Variants in ARHGEF3 observed in about 807,000 individuals in gnomAD.
ARHGEF3 encodes 59.8 kDA protein.
Under a neutral mutation model 63.2 loss-of-function variants are expected in ARHGEF3, and 28 were observed. The observed-to-expected ratio is 0.44, with a 90% CI of 0.33 to 0.61. The LOEUF is 0.61. Among genes scored for constraint, ARHGEF3 ranks in the 20% least tolerant of loss-of-function variants. ARHGEF3 has a pLI of 0.03. For missense variants in ARHGEF3, 533 were observed against 659.3 expected, an observed-to-expected ratio of 0.81 and a Z score of 2.10; for synonymous variants, 266 against 254.2, an observed-to-expected ratio of 1.05 and a Z score of -0.44.
Position 56,793,914 on chromosome 3 carries a change from G to A in ARHGEF3, c.96+7789C>T, listed in dbSNP as rs1007065962. 9.2e-5 allele frequency among the ~76,000 whole-genome samples: 14 copies of A among 152,228 alleles called. No homozygotes were observed. In the East Asian group the frequency reaches 2.5e-3, roughly 27 times the overall value. ...CTAAAGAAGCATATTAAGCCTAAAAGAAATCCTGTTTGTTGACATAGTATC... is the reference window on the plus strand; with the variant it reads ...CTAAAGAAGCATATTAAGCCTAAAAAAAATCCTGTTTGTTGACATAGTATC... On this transcript the variant is annotated intron_variant, in intron 1 of 9. Coordinates refer to ENST00000296315, the MANE Select transcript of ARHGEF3 (RefSeq NM_019555.3).
At chr3:56,790,982 G>A (rs2037050429) in intron 1 of ARHGEF3, among the ~76,000 whole-genome samples, 1 of 151,678 alleles carries the variant, frequency 6.6e-6, no homozygotes, top group Non-Finnish European at 1.5e-5. Flanking sequence ...ATTCAATCAG[G>A]TTGCCAACTT....
intron 2 of ARHGEF3, among the ~76,000 whole-genome samples, chr3:56,963,352 A>G (rs950633765): frequency 3.3e-5 from 5 of 152,306 alleles, no homozygotes; most frequent in Middle Eastern, 3.4e-3. Context: ...TGGAGGGCCA[A>G]TGAAATTTAC....
At chr3:56,737,153 G>A (rs2033678706) in intron 8 of ARHGEF3, 32 bp downstream of exon 8, 1 of 1,586,554 alleles carries the variant, frequency 6.3e-7, no homozygotes, top group Non-Finnish European at 8.6e-7. Context: ...ACGGGAGGCG[G>A]ATAAGACTGC....
intron 9 of ARHGEF3, 139 bp downstream of exon 9, chr3:56,732,099 A>C: frequency 9.7e-7 from 1 of 1,029,618 alleles, no homozygotes; most frequent in Non-Finnish European, 1.4e-6. Context: ...CAAAGTACAT[A>C]ATCAGGAAGT....
chr3:56,956,737 G>A (rs964720929), intron 3 of ARHGEF3, among the ~76,000 whole-genome samples: 1 of 152,176 alleles, frequency 6.6e-6, no homozygotes, highest in Non-Finnish European at 1.5e-5. Flanking sequence ...ACCATTGTTG[G>A]AGCAGAAGGG....
Position 56,965,462 on chromosome 3 carries a change from C to T in ARHGEF3, c.63-6573G>A, listed in dbSNP as rs543178738. Among the ~76,000 whole-genome samples, 21 of 151,950 alleles carry T rather than the reference C, an allele frequency of 1.4e-4. No homozygotes were observed. The South Asian group carries it at 1.9e-3, about 14-fold the overall frequency. ...AGACAGTTTAACTAATGGATTCTAC[C>T]GAACTTTCCAAAGAAAAAACAAAAA... On this transcript the variant is annotated intron_variant, in intron 2 of 12. Transcript: ENST00000338458.
intron 2 of ARHGEF3, among the ~76,000 whole-genome samples, chr3:57,032,542 G>A (rs75722454): frequency 0.055 from 8,419 of 152,242 alleles, 813 homozygotes; most frequent in African/African-American, 0.19. Context: ...TACTCTTTGG[G>A]TTGGTTTTGA....
chr3:56,971,559 C>T lies in ARHGEF3; in HGVS notation c.63-12670G>A, dbSNP rs7620048. The stretch of plus-strand genomic sequence containing the variant: ...CCCTTTCCCAGGGCTTTTAAGAGCA[C>T]TTTGGGTTAAGGCCGGGCGCGGTGG... On this transcript the variant is annotated intron_variant, in intron 2 of 12. Transcript: ENST00000338458. Among the ~76,000 whole-genome samples the T allele has an allele frequency of 4.8e-3, 718 of 151,096 alleles. 10 individuals are homozygous for T. The highest frequency in any genetic ancestry group is 0.017 in the African/African-American group (690 of 40,678).
chr3:56,808,244 T>A (rs1323910261), intron 4 of ARHGEF3, among the ~76,000 whole-genome samples: 1 of 152,098 alleles, frequency 6.6e-6, no homozygotes, highest in Non-Finnish European at 1.5e-5. Flanking sequence ...CTCTCCCAGC[T>A]GAGCTAATCC....
chr3:56,861,545 T>C (rs2040072258), intron 4 of ARHGEF3, among the ~76,000 whole-genome samples: 1 of 152,134 alleles, frequency 6.6e-6, no homozygotes, highest in Non-Finnish European at 1.5e-5. Context: ...AAGCAGAGGC[T>C]TCAAAGTTCC....
At chr3:57,013,979 A>G (rs1191371769) in intron 2 of ARHGEF3, among the ~76,000 whole-genome samples, 1 of 152,190 alleles carries the variant, frequency 6.6e-6, no homozygotes, top group East Asian at 1.9e-4. Context: ...GCTCTTTGCA[A>G]TAAATCTTGC....
At chr3:56,813,973 C>T (rs1175416086) in intron 4 of ARHGEF3, among the ~76,000 whole-genome samples, 1 of 152,210 alleles carries the variant, frequency 6.6e-6, no homozygotes, top group Admixed American at 6.5e-5. Flanking sequence ...TCTGTACCAG[C>T]TGGAAGCAGG....
intron 1 of ARHGEF3, among the ~76,000 whole-genome samples, chr3:56,789,804 C>T (rs945250284): frequency 6.6e-6 from 1 of 152,118 alleles, no homozygotes; most frequent in Non-Finnish European, 1.5e-5. Context: ...TATCACCTGC[C>T]ATAAACAGAA....
chr3:56,946,607 C>T (rs1462357618), intron 3 of ARHGEF3, among the ~76,000 whole-genome samples: 1 of 152,134 alleles, frequency 6.6e-6, no homozygotes, highest in African/African-American at 2.4e-5. Flanking sequence ...AACAAAGCCT[C>T]CAAGAAATAT....
intron 1 of ARHGEF3, among the ~76,000 whole-genome samples, chr3:57,052,253 A>G (rs17057660): frequency 0.023 from 3,524 of 152,222 alleles, 145 homozygotes; most frequent in African/African-American, 0.08. Flanking sequence ...ATATTAGCTG[A>G]TCCAATGTCA....
intron 1 of ARHGEF3, among the ~76,000 whole-genome samples, chr3:57,047,376 C>CA (rs934549482): frequency 2.8e-4 from 39 of 138,034 alleles, no homozygotes; most frequent in East Asian, 4.0e-4. Flanking sequence ...CAAAAACAAA[C>CA]AAAAAAAAAA....
At chr3:56,976,681 C>A (rs1206430910) in intron 2 of ARHGEF3, among the ~76,000 whole-genome samples, 1 of 152,172 alleles carries the variant, frequency 6.6e-6, no homozygotes, top group Non-Finnish European at 1.5e-5. Context: ...GACTCCAATA[C>A]AGGACCCACC....
intron 3 of ARHGEF3, among the ~76,000 whole-genome samples, chr3:56,947,168 A>C (rs1260362363): frequency 2.0e-5 from 3 of 152,224 alleles, no homozygotes; most frequent in African/African-American, 7.2e-5. Context: ...AGCCACTGCA[A>C]AAACATGCCA....
At chr3:56,848,792 C>T (rs1002472152) in intron 4 of ARHGEF3, among the ~76,000 whole-genome samples, 2 of 152,144 alleles carry the variant, frequency 1.3e-5, no homozygotes, top group Non-Finnish European at 2.9e-5. Context: ...CTCAGCTTCC[C>T]GAGTAGCTGG....
Sources: gnomAD v4.1 joint callset for allele counts (sites outside exome capture counted in the v4.1 genomes callset) on GRCh38, gnomAD v4.1.1 for gene constraint, MANE v1.5 for transcripts, NCBI Gene and HGNC (gene_info 2026-07-23, HGNC 2026-07-21) for gene names.